Variants in CCDC192 observed in about 807,000 individuals in gnomAD.
CCDC192 encodes coiled-coil domain containing 192, also known as coiled-coil domain-containing protein 192.
chr5:127,738,807 T>C (rs989993136), intron 2 of CCDC192, among the ~76,000 whole-genome samples: 1 of 152,192 alleles, frequency 6.6e-6, no homozygotes, highest in Non-Finnish European at 1.5e-5. Context: ...CTTCTCTGTA[T>C]TGGTTATTCT....
intron 5 of CCDC192, among the ~76,000 whole-genome samples, chr5:127,818,298 A>G (rs1749122443): frequency 6.6e-6 from 1 of 152,306 alleles, no homozygotes; most frequent in South Asian, 2.1e-4. Flanking sequence ...TTGACATACT[A>G]AAGACTGAGT....
At chr5:127,926,135 A>G (rs1010981485) in intron 6 of CCDC192, among the ~76,000 whole-genome samples, 37 of 152,318 alleles carry the variant, frequency 2.4e-4, no homozygotes, top group African/African-American at 8.9e-4. Flanking sequence ...TTGAACACTC[A>G]GCAATGTATG....
At chr5:127,897,077 G>A (rs1239900746) in intron 6 of CCDC192, among the ~76,000 whole-genome samples, 18 of 148,654 alleles carry the variant, frequency 1.2e-4, no homozygotes, top group African/African-American at 4.5e-4. Flanking sequence ...TTTTTTAAAG[G>A]TTTTATCATC....
intron 5 of CCDC192, among the ~76,000 whole-genome samples, chr5:127,821,549 C>G (rs1476434186): frequency 6.6e-6 from 1 of 152,164 alleles, no homozygotes; most frequent in Non-Finnish European, 1.5e-5. Flanking sequence ...GGCAACTAAG[C>G]TTTTGTGAAC....
intron 5 of CCDC192, among the ~76,000 whole-genome samples, chr5:127,820,725 T>A (rs755332453): frequency 6.6e-6 from 1 of 152,216 alleles, no homozygotes; most frequent in Non-Finnish European, 1.5e-5. Flanking sequence ...TTTTTTAAGT[T>A]GATTTTTTGT....
At chr5:127,722,389 A>G (rs1171461623) in intron 2 of CCDC192, among the ~76,000 whole-genome samples, 2 of 150,538 alleles carry the variant, frequency 1.3e-5, no homozygotes, top group Admixed American at 1.3e-4. Flanking sequence ...GTTTGCAAAT[A>G]TTTTCTCCCA....
At chr5:127,891,377 A>T (rs775087395) in intron 6 of CCDC192, among the ~76,000 whole-genome samples, 11 of 152,116 alleles carry the variant, frequency 7.2e-5, no homozygotes, top group Non-Finnish European at 1.3e-4. Context: ...CTTATGACTC[A>T]TTGAGAGTAC....
At chr5:127,865,147 A>G (rs1264733577) in intron 5 of CCDC192, among the ~76,000 whole-genome samples, 1 of 152,154 alleles carries the variant, frequency 6.6e-6, no homozygotes, top group South Asian at 2.1e-4. Context: ...ATGCCGACTC[A>G]AATTAAAAAA....
intron 2 of CCDC192, among the ~76,000 whole-genome samples, chr5:127,730,339 G>A (rs1432382900): frequency 6.6e-6 from 1 of 152,122 alleles, no homozygotes; most frequent in African/African-American, 2.4e-5. Flanking sequence ...GTTGATATCT[G>A]AATAGACCAA....
In CCDC192 at chr5:127,784,347, G is replaced by A. The variant is rs144734619; in HGVS notation, c.223-12756G>A. Among the ~76,000 whole-genome samples, 16 of 152,306 alleles carry A rather than the reference G, an allele frequency of 1.1e-4. No individual in the cohort carries two copies. The East Asian group carries it at 2.5e-3, about 24-fold the overall frequency. On this transcript the variant is annotated intron_variant, in intron 3 of 6. Coordinates refer to ENST00000514853, the MANE Select transcript of CCDC192 (RefSeq NM_001317938.2). ...CCCATGTCTTGATTTAAATGCAGTA[G>A]CATGCAGCCTTCAGTGTGGGAGGTT... is the stretch of plus-strand genomic sequence containing the variant.
intron 3 of CCDC192, among the ~76,000 whole-genome samples, chr5:127,775,075 C>G (rs963767743): frequency 1.3e-5 from 2 of 152,120 alleles, no homozygotes; most frequent in Non-Finnish European, 2.9e-5. Context: ...ATAAATCATG[C>G]CTTTTTTTCC....
chr5:127,846,701 C>T (rs1750559940), intron 5 of CCDC192, among the ~76,000 whole-genome samples: 1 of 151,778 alleles, frequency 6.6e-6, no homozygotes, highest in South Asian at 2.1e-4. Context: ...AACTCCTGGC[C>T]TCAAGTGATC....
intron 3 of CCDC192, among the ~76,000 whole-genome samples, chr5:127,782,093 T>C (rs1021100107): frequency 6.6e-6 from 1 of 152,264 alleles, no homozygotes; most frequent in African/African-American, 2.4e-5. Context: ...ATGTGATTTT[T>C]GTTTTTAATT....
intron 3 of CCDC192, chr5:127,786,615 A>G: frequency 5.3e-6 from 4 of 751,560 alleles, no homozygotes; most frequent in Non-Finnish European, 1.0e-5. Flanking sequence ...TTCACGGTGA[A>G]CCCAGTGTCT....
At chr5:127,783,467 C>T (rs1337550663) in intron 3 of CCDC192, among the ~76,000 whole-genome samples, 1 of 152,032 alleles carries the variant, frequency 6.6e-6, no homozygotes, top group Admixed American at 6.6e-5. Context: ...AGTTTTATTC[C>T]ACTGTGGTCT....
Position 127,801,067 on chromosome 5 carries a change from G to C in CCDC192, c.411+2905G>C, listed in dbSNP as rs143772502. On this transcript the variant is annotated intron_variant, in intron 5 of 6. Transcript: ENST00000514853. The stretch of plus-strand genomic sequence containing the variant: ...GAGAGGATAAAAATCTGTGTGTAAA[G>C]ATTTGGAATGGGTGCAGAAAACCAA... Among the ~76,000 whole-genome samples, 18 of 152,194 alleles carry C rather than the reference G, an allele frequency of 1.2e-4. No homozygotes were observed. The East Asian group carries it at 3.1e-3, about 26-fold the overall frequency.
intron 5 of CCDC192, among the ~76,000 whole-genome samples, chr5:127,850,257 A>G (rs924251620): frequency 1.3e-5 from 2 of 152,184 alleles, no homozygotes; most frequent in Admixed American, 6.5e-5. Context: ...ATTCAGCTAC[A>G]TTCTGCTGGT....
chr5:127,884,342 C>CAAAAAAAAAAAAAA (rs778430655), intron 6 of CCDC192, among the ~76,000 whole-genome samples: 6 of 11,852 alleles, frequency 5.1e-4, no homozygotes, highest in African/African-American at 8.9e-4. Context: ...GACTCCGTCT[C>CAAAAAAAAAAAAAA]AAAAAAAAAA....
At chr5:127,735,689 A>G (rs1362342804) in intron 2 of CCDC192, among the ~76,000 whole-genome samples, 1 of 131,566 alleles carries the variant, frequency 7.6e-6, no homozygotes, top group Non-Finnish European at 1.5e-5. Context: ...TCTTTGAAGC[A>G]ATTTTGAATG....
Sources: allele counts gnomAD v4.1 joint callset (sites outside exome capture counted in the v4.1 genomes callset), GRCh38; gene constraint gnomAD v4.1.1; transcripts MANE v1.5; gene names NCBI Gene and HGNC (gene_info 2026-07-23, HGNC 2026-07-21).